The following KCTD8 variants were observed in gnomAD, a reference collection of about 807,000 sequenced individuals.
KCTD8 encodes the protein potassium channel tetramerization domain containing 8, also known as BTB/POZ domain-containing protein KCTD8.
Under a neutral mutation model 31.5 loss-of-function variants are expected in KCTD8, and 27 were observed. That is an observed-to-expected ratio of 0.86 (90% CI 0.63 to 1.18). KCTD8 has a LOEUF of 1.18. KCTD8 is among the 50% of genes most tolerant of loss of function. KCTD8 has a pLI of 0.00. For synonymous variants in KCTD8, 290 were observed against 280.0 expected, an observed-to-expected ratio of 1.04 and a Z score of -0.36; for missense variants, 658 against 647.7, an observed-to-expected ratio of 1.02 and a Z score of -0.17.
chr4:44,320,088 C>T (rs1718250056), intron 1 of KCTD8, among the ~76,000 whole-genome samples: 1 of 137,450 alleles, frequency 7.3e-6, no homozygotes, highest in Admixed American at 8.3e-5. Context: ...AGGAGAATCA[C>T]TTGAACCCAG....
Position 44,331,325 on chromosome 4 carries a change from T to C in KCTD8, c.961+116238A>G, listed in dbSNP as rs1336058133. Among the ~76,000 whole-genome samples the C allele has an allele frequency of 6.6e-5, 10 of 151,960 alleles. No individual in the cohort carries two copies. In the East Asian group the frequency reaches 1.9e-3, roughly 29 times the overall value. Reference sequence around the variant, plus strand: ...ATTAATCACAGGCAGGCATACCCAGTGTTGAGAGCATTTTAATTTAATGCT... The same window carrying C: ...ATTAATCACAGGCAGGCATACCCAGCGTTGAGAGCATTTTAATTTAATGCT... On this transcript the variant is annotated intron_variant, in intron 1 of 1. Coordinates refer to ENST00000360029, the MANE Select transcript of KCTD8 (RefSeq NM_198353.3).
chr4:44,218,722 T>C (rs1577836591), intron 1 of KCTD8, among the ~76,000 whole-genome samples: 1 of 151,936 alleles, frequency 6.6e-6, no homozygotes, highest in African/African-American at 2.4e-5. Context: ...CAACTCTCCT[T>C]CCTAAAGCCC....
intron 1 of KCTD8, among the ~76,000 whole-genome samples, chr4:44,203,141 T>C (rs1714198932): frequency 6.6e-6 from 1 of 152,192 alleles, no homozygotes; most frequent in South Asian, 2.1e-4. Flanking sequence ...CTGTAGGGCA[T>C]ACCCAAAGTA....
chr4:44,187,480 C>G (rs1713623115), intron 1 of KCTD8, among the ~76,000 whole-genome samples: 1 of 152,242 alleles, frequency 6.6e-6, no homozygotes, highest in South Asian at 2.1e-4. Flanking sequence ...GCCTGCGGAA[C>G]TACTCCCTGC....
intron 1 of KCTD8, among the ~76,000 whole-genome samples, chr4:44,337,652 T>G (rs1418301822): frequency 6.8e-6 from 1 of 146,212 alleles, no homozygotes; most frequent in African/African-American, 2.6e-5. Context: ...CCAGCCTGAG[T>G]GACAGAGCAA....
intron 1 of KCTD8, among the ~76,000 whole-genome samples, chr4:44,422,319 T>C (rs1042915246): frequency 2.6e-5 from 4 of 152,068 alleles, no homozygotes; most frequent in Admixed American, 1.3e-4. Flanking sequence ...TGTTGGAGTG[T>C]GTACCTTTGA....
At chr4:44,238,156 A>G (rs967147546) in intron 1 of KCTD8, among the ~76,000 whole-genome samples, 1 of 151,892 alleles carries the variant, frequency 6.6e-6, no homozygotes, top group African/African-American at 2.4e-5. Flanking sequence ...CTGCCACAGG[A>G]CCTTTGTATG....
At chr4:44,375,624 G>A (rs950251895) in intron 1 of KCTD8, among the ~76,000 whole-genome samples, 4 of 152,160 alleles carry the variant, frequency 2.6e-5, no homozygotes, top group African/African-American at 4.8e-5. Flanking sequence ...GTTGTCTACC[G>A]AAAACCTTTT....
chr4:44,225,894 C>T (rs1714946917), intron 1 of KCTD8, among the ~76,000 whole-genome samples: 2 of 141,902 alleles, frequency 1.4e-5, no homozygotes, highest in Non-Finnish European at 3.0e-5. Context: ...GATCTCGGCT[C>T]ACTGCAAGCT....
rs766668985 is a variant in KCTD8 at position 44,448,003 on chromosome 4, C to T, written c.521G>A (p.Ser174Asn). The change falls in exon 1 of 2, where the codon AGC becomes AAC. Residue 174 changes from serine to asparagine, a missense_variant. Physicochemically the swap from Ser to Asn is conservative, Grantham distance 46. Transcript: ENST00000360029. This position sits in a 1 kb window ranked among gnomAD's most constrained non-coding sequence, Gnocchi z 4.1. ...DLEDNVSQGS[S>N]DALLLRGAAA... is the part of the protein sequence containing the mutation. ...CGCCCCGCGCAGCAGCAGCGCGTCGCTGCTACCCTGCGAGACGTTGTCCTC... is the reference window on the plus strand; with the variant it reads ...CGCCCCGCGCAGCAGCAGCGCGTCGTTGCTACCCTGCGAGACGTTGTCCTC... 7 of 1,583,866 alleles carry T rather than the reference C, an allele frequency of 4.4e-6. No homozygotes were observed. The South Asian group carries it at 5.7e-5, about 13-fold the overall frequency.
chr4:44,312,148 C>G (rs1449942059), intron 1 of KCTD8, among the ~76,000 whole-genome samples: 2 of 151,970 alleles, frequency 1.3e-5, no homozygotes, highest in Admixed American at 1.3e-4. Flanking sequence ...GGAAAATGTT[C>G]CTCAAAGGTT....
chr4:44,361,125 T>A (rs1719482625), intron 1 of KCTD8, among the ~76,000 whole-genome samples: 2 of 152,040 alleles, frequency 1.3e-5, no homozygotes, highest in Non-Finnish European at 2.9e-5. Context: ...TCATCTGCCA[T>A]TAAAATAACT....
rs199599084 is a variant in KCTD8, at chr4:44,448,168, G to T, written c.356C>A (p.Ala119Glu). 7.4e-6 allele frequency: 12 copies of T among 1,612,436 alleles called. No individual in the cohort carries two copies. The Admixed American group carries it at 1.8e-4, about 25-fold the overall frequency. ...VLDYLRDKQL[A>E]LPEHFPEKER... is the part of the protein sequence containing the mutation. ...CTTCTCGGGGAAGTGCTCCGGCAGC[G>T]CGAGTTGCTTGTCCCGCAGATAATC... The change falls in exon 1 of 2, where the codon GCG (alanine) becomes GAG (glutamate). Residue 119 changes from alanine (A) to glutamate (E), a missense_variant. Physicochemically the swap from Ala to Glu is moderately radical, Grantham distance 107. Transcript: ENST00000360029. The surrounding 1 kb of genome is among the most constrained non-coding windows in gnomAD (Gnocchi z 4.1).
intron 1 of KCTD8, among the ~76,000 whole-genome samples, chr4:44,218,443 G>A (rs1035661923): frequency 1.3e-5 from 2 of 151,544 alleles, no homozygotes; most frequent in African/African-American, 4.8e-5. Flanking sequence ...CTAAAATATC[G>A]TAAAGAATGT....
At chr4:44,265,555 C>T (rs923540910) in intron 1 of KCTD8, among the ~76,000 whole-genome samples, 35 of 152,186 alleles carry the variant, frequency 2.3e-4, no homozygotes, top group African/African-American at 6.3e-4. Context: ...ATGACTTTGA[C>T]GAGTTGAGAG....
At chr4:44,411,728 C>A (rs1254839781) in intron 1 of KCTD8, among the ~76,000 whole-genome samples, 3 of 151,770 alleles carry the variant, frequency 2.0e-5, no homozygotes, top group Admixed American at 1.3e-4. Context: ...CCTTATAAAA[C>A]AAGCAGAGAG....
Position 44,447,956 on chromosome 4 carries a change from G to A in KCTD8, c.568C>T (p.Pro190Ser). 3 of 1,524,322 alleles carry A rather than the reference G, an allele frequency of 2.0e-6. 1 individual carries two copies. The South Asian group carries it at 3.7e-5, about 19-fold the overall frequency. 94.4% of individuals were successfully genotyped at this position (1,524,322 alleles called of 1,614,324 possible). The change falls in exon 1 of 2, where the codon CCG (proline) becomes TCG (serine). Residue 190 changes from proline to serine, a missense_variant. Transcript: ENST00000360029. Reference protein sequence around the residue: ...RGAAAAVPSGPGAHGGGGGGG... With the variant: ...RGAAAAVPSGSGAHGGGGGGG... ...CCGCCGCCACCACCGTGCGCTCCCGGGCCCGAGGGCACGGCGGCCGCCGCC... is the reference window on the plus strand; with the variant it reads ...CCGCCGCCACCACCGTGCGCTCCCGAGCCCGAGGGCACGGCGGCCGCCGCC...
At chr4:44,302,156 C>T (rs1209830281) in intron 1 of KCTD8, among the ~76,000 whole-genome samples, 1 of 152,092 alleles carries the variant, frequency 6.6e-6, no homozygotes, top group Non-Finnish European at 1.5e-5. Flanking sequence ...TAGCGTGATG[C>T]CTCCAGCTTT....
chr4:44,192,672 T>C (rs1236171450), intron 1 of KCTD8, among the ~76,000 whole-genome samples: 3 of 152,178 alleles, frequency 2.0e-5, no homozygotes, highest in Non-Finnish European at 2.9e-5. Context: ...GCCAACTTGA[T>C]TGGATTGAAG....
Sources: gnomAD v4.1 joint callset for allele counts (sites outside exome capture counted in the v4.1 genomes callset) on GRCh38, gnomAD v4.1.1 for gene constraint, Gnocchi (gnomAD v3.1) non-coding constraint, MANE v1.5 for transcripts, NCBI Gene and HGNC (gene_info 2026-07-23, HGNC 2026-07-21) for gene names.